Variants in ARHGAP26 observed in about 807,000 individuals in gnomAD.
The protein encoded by ARHGAP26 is Rho GTPase activating protein 26.
In ARHGAP26, 38 loss-of-function variants were observed where a neutral mutation model predicts 104.8. That is an observed-to-expected ratio of 0.36 (90% confidence interval 0.28 to 0.48). ARHGAP26 has a LOEUF of 0.48. ARHGAP26 is among the 20% of genes least tolerant of loss of function. The pLI, the probability that ARHGAP26 is intolerant of heterozygous loss-of-function variation, is 0.99. For missense variants in ARHGAP26, 704 were observed against 947.9 expected, an observed-to-expected ratio of 0.74 and a Z score of 3.38; for synonymous variants, 341 against 340.0, an observed-to-expected ratio of 1.00 and a Z score of -0.03.
In ARHGAP26 at chr5:142,991,430, C is replaced by G. The variant is rs140422845; in HGVS notation, c.1108-22650C>G. On this transcript the variant is annotated intron_variant, in intron 11 of 22. Coordinates refer to ENST00000645722, the MANE Select transcript of ARHGAP26 (RefSeq NM_001135608.3). ...ACTTCCCAGGTAAGGTGATGCCTTG[C>G]CCTGCTTAGGCTCACACTCCATGGG... Among the ~76,000 whole-genome samples, 69 of 152,304 alleles carry G rather than the reference C, an allele frequency of 4.5e-4. 1 individual carries two copies. Among genetic ancestry groups the G allele is most frequent in the African/African-American group, 1.6e-3 (65 of 41,560 alleles).
At chr5:143,214,500 G>GA (rs1196299754) in intron 22 of ARHGAP26, among the ~76,000 whole-genome samples, 1 of 152,080 alleles carries the variant, frequency 6.6e-6, no homozygotes, top group Non-Finnish European at 1.5e-5. Context: ...ATCCATCTTC[G>GA]AAAAAGGCCC....
At chr5:142,778,365 A>G (rs1349031699) in intron 1 of ARHGAP26, among the ~76,000 whole-genome samples, 1 of 152,260 alleles carries the variant, frequency 6.6e-6, no homozygotes, top group African/African-American at 2.4e-5. Context: ...AGACGTATAC[A>G]GTGTAAAAGC....
chr5:142,865,478 G>GTTTTTTTTTTTTTTTTTTTT (rs35950662), intron 1 of ARHGAP26, among the ~76,000 whole-genome samples: 1 of 117,224 alleles, frequency 8.5e-6, no homozygotes, highest in Non-Finnish European at 1.7e-5. Context: ...ACACGGAGAA[G>GTTTTTTTTTTTTTTTTTTTT]TTTTTTTTTT....
intron 17 of ARHGAP26, among the ~76,000 whole-genome samples, chr5:143,111,657 C>T (rs1237255598): frequency 1.3e-5 from 2 of 152,218 alleles, no homozygotes; most frequent in African/African-American, 4.8e-5. Context: ...AGATAGGAGA[C>T]ACTGTCTTAG....
intron 18 of ARHGAP26, among the ~76,000 whole-genome samples, chr5:143,121,530 T>C (rs55977204): frequency 0.14 from 20,740 of 152,252 alleles, 1,650 homozygotes; most frequent in South Asian, 0.21. Context: ...ACTTGATTGT[T>C]TTCTTATGAA....
intron 1 of ARHGAP26, among the ~76,000 whole-genome samples, chr5:142,802,964 A>T (rs1273997724): frequency 2.6e-5 from 4 of 152,186 alleles, no homozygotes; most frequent in Non-Finnish European, 5.9e-5. Flanking sequence ...GTCCATATTA[A>T]GTGTTTTGGG....
At chr5:143,167,079 G>A (rs1478893602) in intron 20 of ARHGAP26, among the ~76,000 whole-genome samples, 2 of 152,158 alleles carry the variant, frequency 1.3e-5, no homozygotes, top group African/African-American at 2.4e-5. Context: ...GCACAAGACA[G>A]TATTGATTTT....
At position 142,894,190 on chromosome 5, in the gene ARHGAP26, C is replaced by T. The variant is rs762231311; in HGVS notation, c.487-48C>T. ...TTCTGACCTGCTTTCGGAATGCTAT[C>T]CTTGGGTAGTGACTTGATTTTTCTC... On this transcript the variant is annotated intron_variant, in intron 5 of 22. Transcript: ENST00000645722. 6 of 1,527,934 alleles carry T rather than the reference C, an allele frequency of 3.9e-6. No individual in the cohort carries two copies. The African/African-American group carries it at 8.2e-5, about 21-fold the overall frequency. 94.6% of individuals were successfully genotyped at this position (1,527,934 alleles called of 1,614,324 possible).
Position 142,788,805 on chromosome 5 carries a change from C to T in ARHGAP26, c.154+17890C>T, listed in dbSNP as rs142922455. Among the ~76,000 whole-genome samples the T allele has an allele frequency of 7.9e-5, 12 of 152,298 alleles. No individual in the cohort carries two copies. The East Asian group carries it at 1.3e-3, about 17-fold the overall frequency. On this transcript the variant is annotated intron_variant, in intron 1 of 22. Coordinates refer to ENST00000645722, the MANE Select transcript of ARHGAP26 (RefSeq NM_001135608.3). ...GTTGGGAGTCCTGGAACCAATGCCC[C>T]ACAGATACTAAGGGACAACTGCAGT... is the stretch of plus-strand genomic sequence containing the variant.
At chr5:142,944,398 C>G (rs1409306404) in intron 11 of ARHGAP26, among the ~76,000 whole-genome samples, 1 of 152,144 alleles carries the variant, frequency 6.6e-6, no homozygotes, top group Non-Finnish European at 1.5e-5. Context: ...GGATACATAT[C>G]AAGTGGAATT....
intron 17 of ARHGAP26, among the ~76,000 whole-genome samples, chr5:143,062,519 G>GTT (rs57175122): frequency 3.0e-4 from 37 of 124,022 alleles, no homozygotes; most frequent in Admixed American, 4.8e-4. Context: ...TGTAGCTTGG[G>GTT]TTTTTTTTTT....
chr5:142,782,002 A>G (rs1422716704), intron 1 of ARHGAP26, among the ~76,000 whole-genome samples: 1 of 152,222 alleles, frequency 6.6e-6, no homozygotes, highest in Non-Finnish European at 1.5e-5. Flanking sequence ...GGCATGAGCC[A>G]CTGCGCCTGG....
chr5:142,989,059 C>T (rs764832744), intron 11 of ARHGAP26, among the ~76,000 whole-genome samples: 28 of 152,060 alleles, frequency 1.8e-4, no homozygotes, highest in Non-Finnish European at 3.7e-4. Flanking sequence ...TAACTTTCTG[C>T]CTCGTTGATC....
chr5:143,226,952 A>G lies in ARHGAP26; in HGVS notation c.*4506A>G, dbSNP rs749606697. 26 of 226,502 alleles carry G rather than the reference A, an allele frequency of 1.1e-4. No homozygotes were observed. Among genetic ancestry groups the G allele is most frequent in the East Asian group, 3.8e-4 (6 of 15,774 alleles). The allele number at this position is 226,502 out of a possible 1,614,324, so 14.0% of individuals were successfully genotyped here. On this transcript the variant is annotated 3_prime_UTR_variant, in exon 23 of 23. Transcript: ENST00000645722. ...AAGGCCTTCTATCCCCTGAGTTTCT[A>G]TCAGCTGAAAATGGCAACTGCTGTC...
At chr5:143,059,799 A>G (rs1786425635) in intron 17 of ARHGAP26, among the ~76,000 whole-genome samples, 1 of 152,202 alleles carries the variant, frequency 6.6e-6, no homozygotes. Context: ...TGATCATTTA[A>G]TTATCAAGAA....
At chr5:142,868,243 G>C (rs1754674369) in intron 1 of ARHGAP26, among the ~76,000 whole-genome samples, 1 of 152,228 alleles carries the variant, frequency 6.6e-6, no homozygotes, top group Non-Finnish European at 1.5e-5. Flanking sequence ...GAGGTGGCAT[G>C]TGGTGGCAGG....
intron 17 of ARHGAP26, among the ~76,000 whole-genome samples, chr5:143,099,315 G>A (rs1042899631): frequency 2.6e-5 from 4 of 152,146 alleles, no homozygotes; most frequent in South Asian, 2.1e-4. Context: ...GGCAGGTGGG[G>A]GGCACAGGTA....
intron 11 of ARHGAP26, among the ~76,000 whole-genome samples, chr5:142,978,515 A>G (rs1773463875): frequency 6.6e-6 from 1 of 152,160 alleles, no homozygotes; most frequent in African/African-American, 2.4e-5. Flanking sequence ...CTGGTTTCAG[A>G]CAACCTGGGT....
chr5:142,785,189 C>CA (rs151172914), intron 1 of ARHGAP26, among the ~76,000 whole-genome samples: 2,830 of 152,216 alleles, frequency 0.019, 85 homozygotes, highest in African/African-American at 0.065. Context: ...CTCGGCCTCC[C>CA]AAAGTGCCGG....
Sources: gnomAD v4.1 joint callset for allele counts (sites outside exome capture counted in the v4.1 genomes callset) on GRCh38, gnomAD v4.1.1 for gene constraint, MANE v1.5 for transcripts, NCBI Gene and HGNC (gene_info 2026-07-23, HGNC 2026-07-21) for gene names.